SUMF1: variants seen among roughly 807,000 people sequenced by gnomAD.
SUMF1 encodes sulfatase modifying factor 1.
A neutral mutation model predicts 47.6 loss-of-function variants in SUMF1; 48 were observed. That is an observed-to-expected ratio of 1.01 (90% CI 0.80 to 1.28). The LOEUF (loss-of-function observed/expected upper bound fraction) is 1.28, where lower values mean the gene tolerates loss of function less well. Ranked by LOEUF, SUMF1 falls within the 50% of genes most tolerant of loss-of-function variation. SUMF1 has a pLI of 0.00. For synonymous variants in SUMF1, 230 were observed against 192.1 expected, an observed-to-expected ratio of 1.20 and a Z score of -1.63; for missense variants, 571 against 485.4, an observed-to-expected ratio of 1.18 and a Z score of -1.66.
rs145543396 is a variant in SUMF1, at chr3:4,070,264, C to T, written c.1015-1519G>A. Among the ~76,000 whole-genome samples, 111 of 152,292 alleles carry T rather than the reference C, an allele frequency of 7.3e-4. 1 individual carries two copies. In the East Asian group the frequency reaches 0.014, roughly 19 times the overall value. ...TACATAAAACCAAGCTGTACCCCAA[C>T]CACCTTGGGTACATGTTCTCAGGAC... On this transcript the variant is annotated intron_variant and NMD_transcript_variant, in intron 8 of 12. Coordinates refer to the SUMF1 transcript ENST00000448413.
In SUMF1 at chr3:4,215,079, G is replaced by T. The variant is rs761827500; in HGVS notation, c.1015-146334C>A. ...AACATCATCCTGATACCAAAATCTG[G>T]CAGAGACACAACAAAAAAGGAAAAT... On this transcript the variant is annotated intron_variant and NMD_transcript_variant, in intron 8 of 12. Coordinates refer to the SUMF1 transcript ENST00000448413. 2.6e-5 allele frequency among the ~76,000 whole-genome samples: 4 copies of T among 152,162 alleles called. No individual in the cohort carries two copies. In the South Asian group the frequency reaches 8.3e-4, roughly 32 times the overall value.
At position 4,158,445 on chromosome 3, in the gene SUMF1, T is replaced by C. The variant is rs955159960; in HGVS notation, c.1015-89700A>G. On this transcript the variant is annotated intron_variant and NMD_transcript_variant, in intron 8 of 12. Coordinates refer to the SUMF1 transcript ENST00000448413. Reference sequence around the variant, plus strand: ...TCTGCAGTCATTGGATAAAATGTTATATAAATATCTATTAGGTCCATTTGT... The same window carrying C: ...TCTGCAGTCATTGGATAAAATGTTACATAAATATCTATTAGGTCCATTTGT... Among the ~76,000 whole-genome samples, 5 of 151,648 alleles carry C rather than the reference T, an allele frequency of 3.3e-5. No homozygotes were observed. The East Asian group carries it at 9.6e-4, about 29-fold the overall frequency.
chr3:4,059,038 A>G (rs1266043897), intron 9 of SUMF1, among the ~76,000 whole-genome samples: 1 of 152,188 alleles, frequency 6.6e-6, no homozygotes, highest in Admixed American at 6.6e-5. Flanking sequence ...AGCAGAGAAA[A>G]GAGGGCATTT....
chr3:4,193,136 T>C (rs1695355963), intron 8 of SUMF1, among the ~76,000 whole-genome samples: 2 of 152,124 alleles, frequency 1.3e-5, no homozygotes, highest in African/African-American at 4.8e-5. Flanking sequence ...ATATCTGTGA[T>C]GTCCAATCTG....
intron 8 of SUMF1, among the ~76,000 whole-genome samples, chr3:4,206,756 G>T (rs565899108): frequency 1.3e-5 from 2 of 151,990 alleles, no homozygotes; most frequent in Admixed American, 6.6e-5. Context: ...TATTGTGGGG[G>T]AATAATTACT....
At chr3:4,149,283 A>T (rs1402746065) in intron 8 of SUMF1, among the ~76,000 whole-genome samples, 3 of 152,158 alleles carry the variant, frequency 2.0e-5, no homozygotes, top group African/African-American at 7.2e-5. Flanking sequence ...AGAATCACTG[A>T]ACCTACTGAG....
intron 8 of SUMF1, chr3:4,316,122 A>G (rs1698632765): frequency 3.5e-6 from 2 of 567,216 alleles, no homozygotes; most frequent in Non-Finnish European, 6.3e-6. Context: ...ATACATTCTT[A>G]AATGTGGTCA....
intron 1 of SUMF1, 24 bp downstream of exon 1, chr3:4,466,952 G>T (rs188916712): frequency 1.2e-6 from 2 of 1,603,944 alleles, no homozygotes; most frequent in African/African-American, 2.7e-5. Flanking sequence ...GCCCCCACCC[G>T]CCTCGGAGGA....
intron 8 of SUMF1, among the ~76,000 whole-genome samples, chr3:4,136,096 G>A (rs1693922355): frequency 6.6e-6 from 1 of 152,110 alleles, no homozygotes; most frequent in South Asian, 2.1e-4. Context: ...AGCTACCAAT[G>A]ACTTTCTTCA....
At chr3:4,285,110 G>A in intron 8 of SUMF1, among the ~76,000 whole-genome samples, 1 of 152,100 alleles carries the variant, frequency 6.6e-6, no homozygotes, top group East Asian at 1.9e-4. Flanking sequence ...ACCGAATAAG[G>A]CAGCTGCATT....
intron 8 of SUMF1, among the ~76,000 whole-genome samples, chr3:4,241,667 G>A (rs535979730): frequency 3.6e-4 from 55 of 152,222 alleles, no homozygotes; most frequent in Middle Eastern, 6.8e-3. Context: ...AAGCAGCAGC[G>A]TTGTCTGGGG....
intron 8 of SUMF1, among the ~76,000 whole-genome samples, chr3:4,107,948 A>AAAAG (rs1693195983): frequency 7.4e-6 from 1 of 135,338 alleles, no homozygotes. Context: ...TAAGTAAAAG[A>AAAAG]AAAGAAAGAA....
At chr3:4,466,950 C>A in intron 1 of SUMF1, 26 bp downstream of exon 1, 2 of 1,603,750 alleles carry the variant, frequency 1.2e-6, no homozygotes, top group Non-Finnish European at 1.7e-6. Context: ...CAGCCCCCAC[C>A]CGCCTCGGAG....
chr3:4,227,546 G>C (rs368357213), intron 8 of SUMF1, among the ~76,000 whole-genome samples: 1 of 152,046 alleles, frequency 6.6e-6, no homozygotes, highest in Non-Finnish European at 1.5e-5. Flanking sequence ...AGATAGACAT[G>C]TTCTCCACAC....
exon 9 of SUMF1, chr3:4,068,711 A>G (rs1377098963): frequency 2.3e-6 from 1 of 443,654 alleles, no homozygotes. Flanking sequence ...CTCAGATGCC[A>G]CATCTTGAAA....
chr3:4,245,284 G>A (rs1035377788), intron 8 of SUMF1, among the ~76,000 whole-genome samples: 4 of 152,078 alleles, frequency 2.6e-5, no homozygotes, highest in Admixed American at 1.3e-4. Flanking sequence ...CCTTGCTAGC[G>A]AGGAGTTGTA....
chr3:4,189,982 T>C (rs574629039), intron 8 of SUMF1, among the ~76,000 whole-genome samples: 1 of 152,344 alleles, frequency 6.6e-6, no homozygotes, highest in African/African-American at 2.4e-5. Flanking sequence ...TTTTTAAATA[T>C]AGCTCCAGTA....
At chr3:4,393,114 C>A (rs956696176) in intron 7 of SUMF1, among the ~76,000 whole-genome samples, 3 of 152,146 alleles carry the variant, frequency 2.0e-5, no homozygotes, top group Admixed American at 6.5e-5. Flanking sequence ...CTGTTACTTG[C>A]GCGATCTCCC....
At chr3:4,375,378 G>A (rs767582352) in intron 8 of SUMF1, among the ~76,000 whole-genome samples, 14 of 151,982 alleles carry the variant, frequency 9.2e-5, no homozygotes, top group Non-Finnish European at 1.9e-4. Context: ...TTCATCACCT[G>A]GAGAGCTTTA....
Sources: gnomAD v4.1 joint callset for allele counts (sites outside exome capture counted in the v4.1 genomes callset) on GRCh38, gnomAD v4.1.1 for gene constraint, MANE v1.5 for transcripts, NCBI Gene and HGNC (gene_info 2026-07-23, HGNC 2026-07-21) for gene names.